The following DLGAP2 variants were observed in gnomAD, a reference collection of about 807,000 sequenced individuals.
DLGAP2 encodes the protein disks large-associated protein 2.
In DLGAP2, 26 loss-of-function variants were observed where a neutral mutation model predicts 100.3. The observed-to-expected ratio is 0.26, with a 90% CI of 0.19 to 0.36. The LOEUF (loss-of-function observed/expected upper bound fraction) is 0.36. Among genes scored for constraint, DLGAP2 ranks in the 10% least tolerant of loss-of-function variants. DLGAP2 has a pLI of 1.00. For synonymous variants in DLGAP2, 886 were observed against 630.1 expected, an observed-to-expected ratio of 1.41 and a Z score of -6.08; for missense variants, 1,858 against 1,453.2, an observed-to-expected ratio of 1.28 and a Z score of -4.53.
intron 1 of DLGAP2, among the ~76,000 whole-genome samples, chr8:815,279 A>C (rs1234821447): frequency 6.6e-6 from 1 of 152,180 alleles, no homozygotes; most frequent in East Asian, 1.9e-4. Flanking sequence ...TGTCCTCTGA[A>C]GGGAGGAGCA....
chr8:1,495,438 A>G (rs1003635639), intron 3 of DLGAP2, among the ~76,000 whole-genome samples: 1 of 152,132 alleles, frequency 6.6e-6, no homozygotes, highest in South Asian at 2.1e-4. Context: ...TCTGAGCCGG[A>G]GACTGAGCCG....
intron 4 of DLGAP2, among the ~76,000 whole-genome samples, chr8:1,518,983 C>T (rs1331460624): frequency 6.6e-6 from 1 of 152,116 alleles, no homozygotes; most frequent in Admixed American, 6.6e-5. Context: ...CAGGCCCTCC[C>T]GACCGTGTGT....
intron 3 of DLGAP2, among the ~76,000 whole-genome samples, chr8:1,288,713 A>C (rs1799993835): frequency 1.6e-5 from 2 of 125,274 alleles, no homozygotes; most frequent in Admixed American, 8.6e-5. Flanking sequence ...CTGTTAGGGG[A>C]ACTTGTTTCG....
chr8:787,596 G>A (rs1821906628), intron 1 of DLGAP2, among the ~76,000 whole-genome samples: 1 of 152,206 alleles, frequency 6.6e-6, no homozygotes, highest in Admixed American at 6.5e-5. Context: ...GCAGTGTTGG[G>A]TGGAAGCTGG....
intron 2 of DLGAP2, among the ~76,000 whole-genome samples, chr8:1,125,222 G>T (rs117374624): frequency 6.6e-6 from 1 of 152,114 alleles, no homozygotes; most frequent in Admixed American, 6.5e-5. Flanking sequence ...CTGTTACACC[G>T]TCAGGGTTGT....
At chr8:783,569 T>C (rs144552019) in intron 1 of DLGAP2, among the ~76,000 whole-genome samples, 326 of 152,320 alleles carry the variant, frequency 2.1e-3, no homozygotes, top group African/African-American at 7.6e-3. Context: ...AGGTTTCTTA[T>C]AGGGGCTGTG....
At chr8:1,616,953 T>C (rs1047957460) in intron 6 of DLGAP2, among the ~76,000 whole-genome samples, 2 of 152,334 alleles carry the variant, frequency 1.3e-5, no homozygotes, top group South Asian at 2.1e-4. Flanking sequence ...TCTCATCACT[T>C]AGCTCCCACT....
chr8:1,511,795 A>G (rs1355447669), intron 4 of DLGAP2, among the ~76,000 whole-genome samples: 2 of 151,020 alleles, frequency 1.3e-5, no homozygotes, highest in African/African-American at 4.9e-5. Context: ...TCAGTAGATG[A>G]CCATCTTCCA....
At chr8:1,208,230 G>T (rs753167687) in intron 2 of DLGAP2, among the ~76,000 whole-genome samples, 1 of 152,154 alleles carries the variant, frequency 6.6e-6, no homozygotes, top group Non-Finnish European at 1.5e-5. Flanking sequence ...ATCTTGGGTT[G>T]ATTCTTGTAT....
At chr8:1,447,248 T>C (rs1162664582) in intron 3 of DLGAP2, among the ~76,000 whole-genome samples, 2 of 152,258 alleles carry the variant, frequency 1.3e-5, no homozygotes, top group Non-Finnish European at 2.9e-5. Context: ...ATAGCTCTTA[T>C]TATTTTGGGA....
chr8:1,494,548 A>G (rs896301766), intron 3 of DLGAP2, among the ~76,000 whole-genome samples: 22 of 152,066 alleles, frequency 1.4e-4, no homozygotes, highest in Non-Finnish European at 2.5e-4. Flanking sequence ...GGCCAACATG[A>G]TGAAACCCCG....
In DLGAP2 at chr8:1,202,713, A is replaced by C. The variant is rs185385352; in HGVS notation, c.74-56138A>C. 5.3e-3 allele frequency among the ~76,000 whole-genome samples: 807 copies of C among 152,208 alleles called. 10 individuals are homozygous for C. The highest frequency in any genetic ancestry group is 0.018 in the African/African-American group (747 of 41,542). ...GGGGCCCCAGGATCCCTACTGCCCAACGCTTCCTCCTCAGTCTCCTGTGCA... is the reference window on the plus strand; with the variant it reads ...GGGGCCCCAGGATCCCTACTGCCCACCGCTTCCTCCTCAGTCTCCTGTGCA... On this transcript the variant is annotated intron_variant, in intron 2 of 14. Transcript: ENST00000637795.
intron 3 of DLGAP2, chr8:1,299,869 C>G (rs1413758535): frequency 6.6e-6 from 1 of 152,144 alleles, no homozygotes; most frequent in African/African-American, 2.4e-5. Context: ...GCTGGAACTC[C>G]CACAACAAAA....
At chr8:1,656,164 A>C (rs1277037097) in intron 8 of DLGAP2, among the ~76,000 whole-genome samples, 2 of 152,168 alleles carry the variant, frequency 1.3e-5, no homozygotes, top group Non-Finnish European at 2.9e-5. Flanking sequence ...TCTTTACTAA[A>C]AATATAAAAT....
At chr8:1,232,213 C>T (rs895026631) in intron 2 of DLGAP2, among the ~76,000 whole-genome samples, 2 of 152,178 alleles carry the variant, frequency 1.3e-5, no homozygotes, top group African/African-American at 2.4e-5. Flanking sequence ...GCACACTTGC[C>T]GGGGTCATCA....
chr8:897,609 A>G (rs756875332), intron 1 of DLGAP2, among the ~76,000 whole-genome samples: 6 of 151,870 alleles, frequency 4.0e-5, no homozygotes. Flanking sequence ...GCTGCGTCTC[A>G]CTCCCAAGAC....
At chr8:938,783 G>C (rs1799130261) in intron 2 of DLGAP2, among the ~76,000 whole-genome samples, 1 of 152,188 alleles carries the variant, frequency 6.6e-6, no homozygotes, top group African/African-American at 2.4e-5. Context: ...CTCAGCACAG[G>C]GGCCACGGGA....
chr8:973,865 A>AT (rs1202791510), intron 2 of DLGAP2, among the ~76,000 whole-genome samples: 51 of 880 alleles, frequency 0.058, no homozygotes, highest in Admixed American at 0.24. Context: ...GGCTGCGACC[A>AT]CGGGCCAGGC....
intron 3 of DLGAP2, among the ~76,000 whole-genome samples, chr8:1,360,673 G>A (rs1483996927): frequency 1.3e-5 from 2 of 152,212 alleles, no homozygotes; most frequent in Non-Finnish European, 2.9e-5. Flanking sequence ...AGCTCTCAGA[G>A]ACCGAGAAAC....
Sources: allele counts gnomAD v4.1 joint callset (sites outside exome capture counted in the v4.1 genomes callset), GRCh38; gene constraint gnomAD v4.1.1; transcripts MANE v1.5; gene names NCBI Gene and HGNC (gene_info 2026-07-23, HGNC 2026-07-21).